Variants in LMBRD1 observed in about 807,000 individuals in gnomAD.
The protein encoded by LMBRD1 is lysosomal cobalamin transport escort protein LMBD1.
In LMBRD1, 64 loss-of-function variants were observed where a neutral mutation model predicts 74.8. That is an observed-to-expected ratio of 0.86 (90% confidence interval 0.70 to 1.05). The LOEUF (loss-of-function observed/expected upper bound fraction) is 1.05. Among genes scored for constraint, LMBRD1 ranks in the 50% least tolerant of loss-of-function variants. The probability of loss-of-function intolerance (pLI) is 0.00; values close to 1 mark genes in which losing one functional copy is unlikely to be tolerated. For missense variants in LMBRD1, 652 were observed against 645.9 expected, an observed-to-expected ratio of 1.01 and a Z score of -0.10; for synonymous variants, 204 against 216.3, an observed-to-expected ratio of 0.94 and a Z score of 0.50.
At chr6:69,764,038 G>C (rs1349667610) in intron 3 of LMBRD1, among the ~76,000 whole-genome samples, 1 of 117,224 alleles carries the variant, frequency 8.5e-6, no homozygotes, top group East Asian at 3.0e-4. Flanking sequence ...GTACTTTAGA[G>C]TTGATGCTGC....
At chr6:69,699,287 C>T in intron 12 of LMBRD1, 95 bp from the exon 13 acceptor site, 1 of 1,070,214 alleles carries the variant, frequency 9.3e-7, no homozygotes, top group African/African-American at 1.6e-5. Context: ...TTACACAGTT[C>T]AATCAACCAT....
intron 9 of LMBRD1, among the ~76,000 whole-genome samples, chr6:69,707,996 C>T (rs1387556668): frequency 6.6e-6 from 1 of 151,954 alleles, no homozygotes; most frequent in East Asian, 1.9e-4. Flanking sequence ...ATAAAAAAAT[C>T]TAAAAAATAT....
chr6:69,771,120 T>G (rs1009108297), intron 3 of LMBRD1, among the ~76,000 whole-genome samples: 2 of 152,314 alleles, frequency 1.3e-5, no homozygotes, highest in Non-Finnish European at 1.5e-5. Flanking sequence ...AAACATTTAC[T>G]GACAGATTCT....
At chr6:69,743,293 G>A (rs1024036556) in intron 5 of LMBRD1, among the ~76,000 whole-genome samples, 5 of 152,100 alleles carry the variant, frequency 3.3e-5, no homozygotes, top group Non-Finnish European at 5.9e-5. Context: ...TATTAAAAAA[G>A]AAATACGTAT....
At chr6:69,750,145 T>A (rs1765094368) in intron 4 of LMBRD1, among the ~76,000 whole-genome samples, 1 of 149,210 alleles carries the variant, frequency 6.7e-6, no homozygotes, top group Non-Finnish European at 1.5e-5. Context: ...TATATGTGCA[T>A]ATATACTTAC....
chr6:69,771,407 G>A (rs529509923), intron 3 of LMBRD1, among the ~76,000 whole-genome samples: 12 of 152,294 alleles, frequency 7.9e-5, no homozygotes, highest in African/African-American at 2.9e-4. Context: ...AAAAAGCCAA[G>A]GAGTATGAGC....
intron 3 of LMBRD1, among the ~76,000 whole-genome samples, chr6:69,756,163 C>A (rs182122254): frequency 2.6e-5 from 4 of 152,192 alleles, no homozygotes; most frequent in Admixed American, 2.6e-4. Context: ...GAGTTCCAGG[C>A]CAGCCTGGCC....
chr6:69,696,960 C>G (rs1198768529), intron 14 of LMBRD1, among the ~76,000 whole-genome samples: 1 of 150,198 alleles, frequency 6.7e-6, no homozygotes. Flanking sequence ...AATCCTTAAT[C>G]AGAAATCCTT....
At chr6:69,704,382 C>T (rs2149846808) in intron 9 of LMBRD1, among the ~76,000 whole-genome samples, 1 of 151,984 alleles carries the variant, frequency 6.6e-6, no homozygotes, top group Non-Finnish European at 1.5e-5. Context: ...TTTCCCTTCC[C>T]CATCATTTAC....
At chr6:69,686,053 A>T (rs936852235) in intron 14 of LMBRD1, among the ~76,000 whole-genome samples, 4 of 152,160 alleles carry the variant, frequency 2.6e-5, no homozygotes, top group Non-Finnish European at 5.9e-5. Context: ...GTAACTGATT[A>T]GGTGTGGAGA....
At position 69,688,596 on chromosome 6, in the gene LMBRD1, C is replaced by A. The variant is rs75720176; in HGVS notation, c.1417+8967G>T. On this transcript the variant is annotated intron_variant, in intron 14 of 15. Transcript: ENST00000649934. Reference sequence around the variant, plus strand: ...TCAGTTACCTTCAGTTAACTACCTACCTACTCATACTTTTCAACAAACTGG... The same window carrying A: ...TCAGTTACCTTCAGTTAACTACCTAACTACTCATACTTTTCAACAAACTGG... Among the ~76,000 whole-genome samples, 224 of 152,046 alleles carry A rather than the reference C, an allele frequency of 1.5e-3. 1 individual carries two copies. Among genetic ancestry groups the A allele is most frequent in the African/African-American group, 5.1e-3 (210 of 41,532 alleles).
chr6:69,761,676 T>C (rs1247623532), intron 3 of LMBRD1, among the ~76,000 whole-genome samples: 1 of 152,244 alleles, frequency 6.6e-6, no homozygotes, highest in Non-Finnish European at 1.5e-5. Flanking sequence ...TCACAAATTA[T>C]AACTGTGTAA....
intron 1 of LMBRD1, among the ~76,000 whole-genome samples, chr6:69,792,986 A>G (rs1002373808): frequency 6.6e-6 from 1 of 152,224 alleles, no homozygotes; most frequent in Non-Finnish European, 1.5e-5. Context: ...CATGTTATCA[A>G]TCATTACTAC....
At chr6:69,734,112 G>GT (rs1474011855) in intron 7 of LMBRD1, among the ~76,000 whole-genome samples, 3 of 152,020 alleles carry the variant, frequency 2.0e-5, no homozygotes, top group African/African-American at 4.8e-5. Flanking sequence ...TAATTTTATT[G>GT]TTTATGCTGC....
intron 3 of LMBRD1, among the ~76,000 whole-genome samples, chr6:69,753,097 CT>C (rs1434810300): frequency 1.3e-5 from 2 of 151,928 alleles, no homozygotes; most frequent in African/African-American, 4.8e-5. Context: ...TATTTATCTG[CT>C]TTTTTTAAAA....
intron 1 of LMBRD1, among the ~76,000 whole-genome samples, chr6:69,796,538 T>C (rs544292178): frequency 2.0e-5 from 3 of 152,150 alleles, no homozygotes; most frequent in South Asian, 2.1e-4. Context: ...ACCGGCCCCA[T>C]TGCCCAAGTC....
chr6:69,741,865 T>C lies in LMBRD1; in HGVS notation c.486A>G (p.Pro162=). 6.3e-7 allele frequency: 1 copy of C among 1,590,626 alleles called. No individual in the cohort carries two copies. The highest frequency in any genetic ancestry group is 8.6e-7 in the Non-Finnish European group (1 of 1,158,942). ...ALLLLVGAFV[P]LNVPNNKNST... ...AATTTTTGTTATTGGGAACATTCAA[T>C]GGAACAAAGGCACTACAAAAGAGAA... Residue 162 remains proline, a synonymous_variant, in exon 6 of 16, where the codon CCA becomes CCG. Transcript: ENST00000649934.
At chr6:69,687,043 C>T (rs1765778269) in intron 14 of LMBRD1, among the ~76,000 whole-genome samples, 1 of 152,172 alleles carries the variant, frequency 6.6e-6, no homozygotes, top group East Asian at 1.9e-4. Context: ...CCTGTGAGAA[C>T]ATAAGTCACA....
intron 2 of LMBRD1, 149 bp from the exon 3 acceptor site, chr6:69,780,703 A>G (rs1765814889): frequency 4.5e-6 from 3 of 669,966 alleles, no homozygotes; most frequent in Non-Finnish European, 8.1e-6. Flanking sequence ...AGAGACAGAC[A>G]ATAGACAAAT....
Sources: allele counts gnomAD v4.1 joint callset (sites outside exome capture counted in the v4.1 genomes callset), GRCh38; gene constraint gnomAD v4.1.1; transcripts MANE v1.5; gene names NCBI Gene and HGNC (gene_info 2026-07-23, HGNC 2026-07-21).